RABGAP1: variants seen among roughly 807,000 people sequenced by gnomAD.
RABGAP1 encodes RAB GTPase activating protein 1, also known as rab GTPase-activating protein 1.
Under a neutral mutation model 137.6 loss-of-function variants are expected in RABGAP1, and 23 were observed. The ratio of observed to expected loss-of-function variants is 0.17; its 90% confidence interval spans 0.12 to 0.24. The LOEUF (loss-of-function observed/expected upper bound fraction) is 0.24. Among genes scored for constraint, RABGAP1 ranks in the 10% least tolerant of loss-of-function variants. The pLI is 1.00. For missense variants in RABGAP1, 906 were observed against 1,275.8 expected (o/e 0.71, Z 4.42); for synonymous variants, 451 against 450.7 (o/e 1.00, Z -0.01).
At chr9:123,030,179 G>T (rs2032218667) in intron 13 of RABGAP1, among the ~76,000 whole-genome samples, 1 of 151,758 alleles carries the variant, frequency 6.6e-6, no homozygotes, top group Non-Finnish European at 1.5e-5. Flanking sequence ...TCTGTAAGAG[G>T]TTTTAACTGA....
Position 122,998,717 on chromosome 9 carries a change from C to G in RABGAP1, c.1325C>G (p.Pro442Arg). The change falls in exon 10 of 26, where the codon CCC becomes CGC. Residue 442 changes from proline (P) to arginine (R), a missense_variant. Pro to Arg is a moderately radical substitution (Grantham distance 103). Transcript: ENST00000373647. The part of the protein sequence containing the change: ...VCSPNERLFW[P>R]FSKRSTTENF... ...TCACCTAATGAAAGATTATTCTGGCCCTTCAGCAAACGTAGTACTACTGAA... is the reference window on the plus strand; with the variant it reads ...TCACCTAATGAAAGATTATTCTGGCGCTTCAGCAAACGTAGTACTACTGAA... 1 of 1,611,896 alleles carries G rather than the reference C, an allele frequency of 6.2e-7. No homozygotes were observed. The highest frequency in any genetic ancestry group is 8.5e-7 in the Non-Finnish European group (1 of 1,178,512).
At chr9:122,979,451 C>G (rs577872576) in intron 2 of RABGAP1, among the ~76,000 whole-genome samples, 80 of 152,082 alleles carry the variant, frequency 5.3e-4, no homozygotes, top group Non-Finnish European at 5.9e-4. Flanking sequence ...TTAAGAGTTT[C>G]TTTTGAGCAG....
chr9:123,032,111 A>G (rs188503264), intron 13 of RABGAP1, among the ~76,000 whole-genome samples: 93 of 152,352 alleles, frequency 6.1e-4, no homozygotes, highest in African/African-American at 2.2e-3. Flanking sequence ...CCCAGCCTTA[A>G]GCATTTCAAC....
chr9:122,986,980 T>C (rs1045361862), intron 4 of RABGAP1, among the ~76,000 whole-genome samples: 5 of 151,768 alleles, frequency 3.3e-5, no homozygotes, highest in Admixed American at 2.6e-4. Context: ...GTACAAAACA[T>C]ACAAAAATTA....
Position 123,010,447 on chromosome 9 carries a change from G to A in RABGAP1, c.1468G>A (p.Ala490Thr), listed in dbSNP as rs35521477. The A allele has an allele frequency of 4.8e-5, 78 of 1,612,932 alleles. No individual in the cohort carries two copies. The Middle Eastern group carries it at 5.5e-4, about 11-fold the overall frequency. Residue 490 changes from alanine to threonine, a missense_variant, in exon 11 of 26, where the codon GCC becomes ACC. Coordinates refer to ENST00000373647, the MANE Select transcript of RABGAP1 (RefSeq NM_012197.4). ...AGAAAGAGAGAGGAGGAAAACTACA[G>A]CCAGTCCTTCAGTTCGCCTGCCACA... ...ESERERRKTTASPSVRLPQSG... is the reference protein window; with the variant it reads ...ESERERRKTTTSPSVRLPQSG...
intron 1 of RABGAP1, among the ~76,000 whole-genome samples, chr9:122,952,882 A>G (rs1461220248): frequency 1.3e-5 from 2 of 152,272 alleles, no homozygotes; most frequent in Non-Finnish European, 2.9e-5. Context: ...ATTCATATGT[A>G]TCTTATTTCA....
At chr9:123,090,076 C>A (rs777092011) in intron 20 of RABGAP1, among the ~76,000 whole-genome samples, 199 bp from the exon 21 acceptor site, 1 of 152,184 alleles carries the variant, frequency 6.6e-6, no homozygotes. Context: ...AGGTGCTTGA[C>A]AAAGTCACTT....
At chr9:122,954,215 A>G (rs1834397027) in intron 1 of RABGAP1, among the ~76,000 whole-genome samples, 1 of 152,318 alleles carries the variant, frequency 6.6e-6, no homozygotes, top group African/African-American at 2.4e-5. Context: ...AAGTGCAGCA[A>G]GTTCTGGGGT....
chr9:122,975,203 A>C (rs1835700698), intron 2 of RABGAP1, among the ~76,000 whole-genome samples: 6 of 152,214 alleles, frequency 3.9e-5, no homozygotes. Context: ...CTCAAGCACA[A>C]AGTGTCCCTT....
chr9:123,020,427 C>T lies in RABGAP1; in HGVS notation c.1762C>T (p.Leu588=), dbSNP rs1174106391. The change falls in exon 13 of 26, where the codon CTG becomes TTG. Residue 588 remains leucine (L), a synonymous_variant. Transcript: ENST00000373647. ...AGCAGGCTGTCATAACAATGACCAC[C>T]TGGTAGAGAAATACCGCATTCTTAT... is the stretch of plus-strand genomic sequence containing the variant. ...LLAGCHNNDH[L]VEKYRILITK... 3 of 1,604,604 alleles carry T rather than the reference C, an allele frequency of 1.9e-6. No homozygotes were observed. The highest frequency in any genetic ancestry group is 2.6e-6 in the Non-Finnish European group (3 of 1,175,362).
At chr9:123,072,240 A>G (rs907346373) in intron 15 of RABGAP1, among the ~76,000 whole-genome samples, 2 of 152,256 alleles carry the variant, frequency 1.3e-5, no homozygotes, top group Middle Eastern at 3.4e-3. Context: ...ATTTTCAGAT[A>G]TGGGTTGCTC....
At chr9:123,009,168 C>G (rs1003209998) in intron 10 of RABGAP1, among the ~76,000 whole-genome samples, 2 of 152,212 alleles carry the variant, frequency 1.3e-5, no homozygotes, top group African/African-American at 4.8e-5. Flanking sequence ...TGCTTTTGCA[C>G]TATAACAGCA....
At chr9:122,991,895 C>G (rs904281883) in intron 6 of RABGAP1, among the ~76,000 whole-genome samples, 7 of 152,106 alleles carry the variant, frequency 4.6e-5, no homozygotes, top group Non-Finnish European at 5.9e-5. Context: ...GCCAACCATT[C>G]CTGACTATTT....
intron 2 of RABGAP1, among the ~76,000 whole-genome samples, chr9:122,961,758 C>T (rs933423948): frequency 2.6e-5 from 4 of 152,112 alleles, no homozygotes; most frequent in African/African-American, 9.7e-5. Flanking sequence ...AGTATATTTA[C>T]TGCATTTTAC....
At chr9:122,983,166 C>CAA (rs59686226) in intron 2 of RABGAP1, among the ~76,000 whole-genome samples, 57 of 83,940 alleles carry the variant, frequency 6.8e-4, no homozygotes, top group Middle Eastern at 7.2e-3. Flanking sequence ...CTGCGCCCAG[C>CAA]AAAAAAAAAA....
chr9:123,028,844 T>A (rs764654824), intron 13 of RABGAP1, among the ~76,000 whole-genome samples: 2 of 152,256 alleles, frequency 1.3e-5, no homozygotes, highest in South Asian at 4.1e-4. Flanking sequence ...TCATACGCTT[T>A]GGTTTCCTTA....
At chr9:123,006,751 G>C (rs1288176025) in intron 10 of RABGAP1, among the ~76,000 whole-genome samples, 1 of 151,900 alleles carries the variant, frequency 6.6e-6, no homozygotes, top group East Asian at 1.9e-4. Flanking sequence ...GGGATTACAG[G>C]GTTGCACCAC....
At chr9:123,098,603 C>A in intron 22 of RABGAP1, 112 bp from the exon 23 acceptor site, 1 of 756,538 alleles carries the variant, frequency 1.3e-6, no homozygotes, top group Non-Finnish European at 2.2e-6. Flanking sequence ...AATTAGAGGA[C>A]TTCCAGGGTT....
intron 11 of RABGAP1, among the ~76,000 whole-genome samples, chr9:123,012,849 T>C (rs1404414705): frequency 2.0e-5 from 3 of 152,258 alleles, no homozygotes; most frequent in Non-Finnish European, 4.4e-5. Context: ...GTAGCCATGC[T>C]ATCTTTTAAT....
Sources: allele counts gnomAD v4.1 joint callset (sites outside exome capture counted in the v4.1 genomes callset), GRCh38; gene constraint gnomAD v4.1.1; transcripts MANE v1.5; gene names NCBI Gene and HGNC (gene_info 2026-07-23, HGNC 2026-07-21).